The following TCF12 variants were observed in gnomAD, a reference collection of about 807,000 sequenced individuals.
TCF12 encodes the protein DNA-binding protein HTF4.
In TCF12, 45 loss-of-function variants were observed where a neutral mutation model predicts 86.0. The ratio of observed to expected loss-of-function variants is 0.52; its 90% CI spans 0.41 to 0.67. The LOEUF (loss-of-function observed/expected upper bound fraction) is 0.67, where lower values mean the gene tolerates loss of function less well. TCF12 is among the 30% of genes least tolerant of loss of function. The pLI is 0.00. For missense variants in TCF12, 881 were observed against 859.9 expected (o/e 1.02, Z -0.31); for synonymous variants, 330 against 299.6 (o/e 1.10, Z -1.05).
chr15:57,130,475 C>T (rs1196109051), intron 5 of TCF12, among the ~76,000 whole-genome samples: 8 of 152,086 alleles, frequency 5.3e-5, no homozygotes, highest in African/African-American at 4.8e-5. Context: ...AAAAGAGAAA[C>T]CCCTACTCTT....
chr15:57,272,959 T>C lies in TCF12; in HGVS notation c.1746-71T>C, dbSNP rs1408626469. On this transcript the variant is annotated intron_variant, in intron 18 of 20. Coordinates refer to ENST00000333725, the MANE Select transcript of TCF12 (RefSeq NM_207037.2). Reference sequence around the variant, plus strand: ...TTTTCATTTCCATCTTTACGCTTTATAATTGTGCACAATCAGCATATCTTA... The same window carrying C: ...TTTTCATTTCCATCTTTACGCTTTACAATTGTGCACAATCAGCATATCTTA... The C allele has an allele frequency of 5.0e-6, 7 of 1,405,806 alleles. No individual in the cohort carries two copies. In the African/African-American group the frequency reaches 1.0e-4, roughly 20 times the overall value. The allele number at this position is 1,405,806 out of a possible 1,614,324, so 87.1% of individuals were successfully genotyped here.
chr15:57,093,099 T>C (rs1480404072), intron 5 of TCF12, among the ~76,000 whole-genome samples: 3 of 152,176 alleles, frequency 2.0e-5, no homozygotes, highest in Non-Finnish European at 4.4e-5. Flanking sequence ...ATAAAACTTG[T>C]GTTTAAAATC....
chr15:56,945,892 C>T (rs1352525606), intron 3 of TCF12, among the ~76,000 whole-genome samples: 3 of 152,020 alleles, frequency 2.0e-5, no homozygotes, highest in South Asian at 2.1e-4. Flanking sequence ...GGGTTTGGCC[C>T]TCTCTGTCTC....
chr15:57,095,441 G>C (rs1040925045), intron 5 of TCF12, among the ~76,000 whole-genome samples: 3 of 152,174 alleles, frequency 2.0e-5, no homozygotes, highest in African/African-American at 7.2e-5. Flanking sequence ...TATTCTCACA[G>C]AATTGCCTGG....
chr15:56,950,608 T>C (rs532645171), intron 3 of TCF12, among the ~76,000 whole-genome samples: 1 of 152,154 alleles, frequency 6.6e-6, no homozygotes, highest in African/African-American at 2.4e-5. Flanking sequence ...ATTTTGAGAT[T>C]CATTTATGTA....
Position 57,091,891 on chromosome 15 carries a change from G to C in TCF12, c.325G>C (p.Gly109Arg). 6.2e-7 allele frequency: 1 copy of C among 1,611,862 alleles called. No homozygotes were observed. Among genetic ancestry groups the C allele is most frequent in the Non-Finnish European group, 8.5e-7 (1 of 1,178,154 alleles). The stretch of plus-strand genomic sequence containing the variant: ...ACCTTTCATGAACTCAAATCTGATG[G>C]GTAAGTTGGTAATTCTCTGCAAGTA... ...PTPFMNSNLM[G>R]KTSERGSFSL... is the part of the protein sequence containing the mutation. The change falls in exon 5 of 21, where the codon GGA (glycine) becomes CGA (arginine). Residue 109 changes from glycine to arginine, a missense_variant and splice_region_variant. Physicochemically the swap from Gly to Arg is moderately radical, Grantham distance 125. This residue lies in a region of TCF12 where 766 missense variants were observed against 718.9 expected (regional missense o/e 1.07). Transcript: ENST00000333725.
chr15:57,077,184 C>T (rs149201794), intron 4 of TCF12, among the ~76,000 whole-genome samples: 1,837 of 151,984 alleles, frequency 0.012, 34 homozygotes, highest in African/African-American at 0.041. Flanking sequence ...TCAGTTTCTA[C>T]GAAGCTGTGT....
chr15:57,236,306 A>G (rs2059378578), intron 12 of TCF12, among the ~76,000 whole-genome samples: 1 of 152,198 alleles, frequency 6.6e-6, no homozygotes, highest in Non-Finnish European at 1.5e-5. Context: ...TGCACTCAAA[A>G]CGTACTGAAA....
intron 3 of TCF12, among the ~76,000 whole-genome samples, chr15:57,055,772 T>C (rs548379413): frequency 3.9e-5 from 6 of 152,278 alleles, no homozygotes; most frequent in African/African-American, 1.4e-4. Context: ...CTATGTATGG[T>C]TTTCTTCTTA....
intron 8 of TCF12, among the ~76,000 whole-genome samples, chr15:57,224,131 A>T (rs1566941735): frequency 6.6e-6 from 1 of 151,746 alleles, no homozygotes; most frequent in South Asian, 2.1e-4. Context: ...ACTAGAAGGT[A>T]TGTTGTCACT....
At chr15:57,037,125 G>C (rs1433160702) in intron 3 of TCF12, among the ~76,000 whole-genome samples, 3 of 152,126 alleles carry the variant, frequency 2.0e-5, no homozygotes, top group African/African-American at 7.2e-5. Context: ...AAGGTGGTTT[G>C]AAAAATGACA....
intron 3 of TCF12, among the ~76,000 whole-genome samples, chr15:57,046,626 GA>G (rs1479888313): frequency 6.6e-6 from 1 of 151,754 alleles, no homozygotes; most frequent in Non-Finnish European, 1.5e-5. Flanking sequence ...TATGTTTTTT[GA>G]TTTTTTTTTA....
intron 13 of TCF12, chr15:57,247,014 C>T: frequency 1.8e-6 from 1 of 544,776 alleles, no homozygotes; most frequent in South Asian, 1.4e-5. Flanking sequence ...AATGCCTGAG[C>T]TTCTTCCACC....
chr15:57,064,094 C>T (rs1202585493), intron 4 of TCF12, among the ~76,000 whole-genome samples: 2 of 152,120 alleles, frequency 1.3e-5, no homozygotes, highest in Non-Finnish European at 2.9e-5. Context: ...CATAAGTGCT[C>T]TCCATATGTA....
chr15:57,052,118 A>G (rs975067375), intron 3 of TCF12, among the ~76,000 whole-genome samples: 18 of 152,358 alleles, frequency 1.2e-4, no homozygotes, highest in Non-Finnish European at 1.8e-4. Context: ...AATCTACATG[A>G]CATTAATTTT....
At chr15:57,069,740 ACTTC>A (rs1160348108) in intron 4 of TCF12, among the ~76,000 whole-genome samples, 1 of 152,202 alleles carries the variant, frequency 6.6e-6, no homozygotes, top group Non-Finnish European at 1.5e-5. Flanking sequence ...TGACTTTAGT[ACTTC>A]CCAACTCAAA....
intron 8 of TCF12, among the ~76,000 whole-genome samples, chr15:57,228,103 G>T (rs2058971225): frequency 1.3e-5 from 2 of 152,032 alleles, no homozygotes; most frequent in Admixed American, 6.5e-5. Flanking sequence ...AACCAAGAGA[G>T]ACTTGCTCTT....
rs566027609 is a variant in TCF12, at chr15:56,919,050, C to T, written c.-23+144C>T. 131 of 151,996 alleles carry T rather than the reference C, an allele frequency of 8.6e-4. 1 individual carries two copies. The highest frequency in any genetic ancestry group is 2.8e-3 in the African/African-American group (118 of 41,492). The allele number at this position is 151,996 out of a possible 1,614,324, so 9.4% of individuals were successfully genotyped here. On this transcript the variant is annotated intron_variant, in intron 1 of 20. Transcript: ENST00000333725. Reference sequence around the variant, plus strand: ...TTTGTACAGCGCGAAACCCGGGGTCCCCTCCAAGTTGGGGAGCGGAGTGGG... The same window carrying T: ...TTTGTACAGCGCGAAACCCGGGGTCTCCTCCAAGTTGGGGAGCGGAGTGGG...
intron 3 of TCF12, among the ~76,000 whole-genome samples, chr15:56,980,455 G>A (rs527825599): frequency 6.6e-6 from 1 of 152,222 alleles, no homozygotes; most frequent in Non-Finnish European, 1.5e-5. Context: ...AGAAGAGGAT[G>A]GCCCCACAAT....
Sources: allele counts gnomAD v4.1 joint callset (sites outside exome capture counted in the v4.1 genomes callset), GRCh38; gene constraint gnomAD v4.1.1; regional missense constraint gnomAD v4.1.1; transcripts MANE v1.5; gene names NCBI Gene and HGNC (gene_info 2026-07-23, HGNC 2026-07-21).